Variants in RBFOX1 observed in about 807,000 individuals in gnomAD.
RBFOX1 encodes RNA binding fox-1 homolog 1, also known as RNA binding protein fox-1 homolog 1.
In RBFOX1, 8 loss-of-function variants were observed where a neutral mutation model predicts 57.7. That is an observed-to-expected ratio of 0.14 (90% CI 0.08 to 0.25). The LOEUF (loss-of-function observed/expected upper bound fraction) is 0.25. RBFOX1 is among the 10% of genes least tolerant of loss of function. The pLI is 1.00. For missense variants in RBFOX1, 611 were observed against 548.5 expected, an observed-to-expected ratio of 1.11 and a Z score of -1.14; for synonymous variants, 326 against 222.4, an observed-to-expected ratio of 1.47 and a Z score of -4.15.
chr16:5,856,272 T>G (rs1312355554), intron 3 of RBFOX1, among the ~76,000 whole-genome samples: 1 of 36,548 alleles, frequency 2.7e-5, no homozygotes, highest in African/African-American at 9.3e-5. Context: ...TATATATATA[T>G]ACACATATAT....
At chr16:5,345,741 C>T (rs1244352641) in intron 1 of RBFOX1, among the ~76,000 whole-genome samples, 9 of 152,140 alleles carry the variant, frequency 5.9e-5, no homozygotes, top group Non-Finnish European at 7.3e-5. Flanking sequence ...AGTGGTGGCA[C>T]CTGATGGGTT....
chr16:6,578,612 T>TGTGTGTGTGTGG (rs373655762), intron 2 of RBFOX1, among the ~76,000 whole-genome samples: 8 of 147,112 alleles, frequency 5.4e-5, no homozygotes, highest in South Asian at 2.2e-4. Flanking sequence ...TGTGTGTGTG[T>TGTGTGTGTGTGG]GAGCATGGGA....
Position 5,401,003 on chromosome 16 carries a change from G to C in RBFOX1, c.220-66213G>C, listed in dbSNP as rs145182351. 3.5e-4 allele frequency among the ~76,000 whole-genome samples: 53 copies of C among 152,220 alleles called. No homozygotes were observed. The East Asian group carries it at 9.8e-3, about 28-fold the overall frequency. On this transcript the variant is annotated intron_variant, in intron 1 of 2. Coordinates refer to the RBFOX1 transcript ENST00000585867. ...CTCCTAATATGTCATAGTTAAGGCAGATATTTTCCAGGGTTGTCATTTGTC... is the reference window on the plus strand; with the variant it reads ...CTCCTAATATGTCATAGTTAAGGCACATATTTTCCAGGGTTGTCATTTGTC...
intron 3 of RBFOX1, among the ~76,000 whole-genome samples, chr16:7,024,062 G>C (rs2040156492): frequency 6.6e-6 from 1 of 152,078 alleles, no homozygotes; most frequent in Non-Finnish European, 1.5e-5. Context: ...TAAAACCAGG[G>C]ATTTCTTAAC....
chr16:5,295,097 G>A (rs1407689631), intron 1 of RBFOX1, among the ~76,000 whole-genome samples: 2 of 148,970 alleles, frequency 1.3e-5, no homozygotes, highest in Admixed American at 1.4e-4. Context: ...GAAAGCTCAC[G>A]ATGTCCTGGC....
intron 11 of RBFOX1, among the ~76,000 whole-genome samples, chr16:7,652,053 G>T (rs2065173821): frequency 6.6e-6 from 1 of 151,858 alleles, no homozygotes; most frequent in Admixed American, 6.6e-5. Flanking sequence ...AACAGTGTTG[G>T]TTATCAGGGG....
intron 2 of RBFOX1, among the ~76,000 whole-genome samples, chr16:6,351,149 C>G (rs1470537003): frequency 6.6e-6 from 1 of 151,786 alleles, no homozygotes; most frequent in African/African-American, 2.4e-5. Context: ...CCTGGGGAGG[C>G]AGGTTAGCTT....
chr16:7,676,704 G>A, intron 13 of RBFOX1, 70 bp from the exon 14 acceptor site: 3 of 1,328,900 alleles, frequency 2.3e-6, no homozygotes, highest in South Asian at 1.2e-5. Flanking sequence ...CTCTGGTGTG[G>A]TCTTGCCACT....
intron 3 of RBFOX1, among the ~76,000 whole-genome samples, chr16:5,800,186 G>A (rs539469177): frequency 7.9e-5 from 12 of 152,250 alleles, no homozygotes; most frequent in African/African-American, 2.4e-4. Context: ...TATGCTAAGG[G>A]TAAGGGAAGG....
At chr16:7,634,259 G>T (rs570147582) in intron 11 of RBFOX1, among the ~76,000 whole-genome samples, 1 of 152,140 alleles carries the variant, frequency 6.6e-6, no homozygotes. Context: ...CTGAAGGAAG[G>T]TGTGTGTAAA....
chr16:7,135,117 C>G (rs938639274), intron 4 of RBFOX1, among the ~76,000 whole-genome samples: 1 of 152,082 alleles, frequency 6.6e-6, no homozygotes, highest in Non-Finnish European at 1.5e-5. Context: ...GTTTTTATGT[C>G]TGTTCTGTAT....
chr16:5,566,384 A>C (rs1008491765), intron 2 of RBFOX1, among the ~76,000 whole-genome samples: 3 of 152,102 alleles, frequency 2.0e-5, no homozygotes, highest in East Asian at 1.9e-4. Flanking sequence ...CACGGTACAT[A>C]GAGAATATTA....
At chr16:6,261,337 C>G (rs1489260847) in intron 1 of RBFOX1, among the ~76,000 whole-genome samples, 1 of 152,208 alleles carries the variant, frequency 6.6e-6, no homozygotes, top group Admixed American at 6.5e-5. Context: ...GTTTTTCCAT[C>G]TTGAGGAAGG....
intron 13 of RBFOX1, 115 bp from the exon 14 acceptor site, chr16:7,676,659 C>A: frequency 1.1e-6 from 1 of 902,546 alleles, no homozygotes; most frequent in Non-Finnish European, 1.8e-6. Flanking sequence ...TTTCATTAAC[C>A]TCAACTTTAG....
chr16:6,809,124 C>A lies in RBFOX1; in HGVS notation c.-16+154474C>A, dbSNP rs376669456. Among the ~76,000 whole-genome samples, 7 of 152,320 alleles carry A rather than the reference C, an allele frequency of 4.6e-5. No individual in the cohort carries two copies. In the South Asian group the frequency reaches 1.2e-3, roughly 27 times the overall value. The stretch of plus-strand genomic sequence containing the variant: ...AAAAAAGGCAAACACCAACCTGTCA[C>A]CAGTTCAGCTGTTTGTGTACCTCAC... On this transcript the variant is annotated intron_variant, in intron 3 of 15. Coordinates refer to ENST00000550418, the MANE Select transcript of RBFOX1 (RefSeq NM_018723.4).
At chr16:5,676,710 A>G (rs2151427782) in intron 3 of RBFOX1, among the ~76,000 whole-genome samples, 1 of 152,260 alleles carries the variant, frequency 6.6e-6, no homozygotes, top group Admixed American at 6.5e-5. Flanking sequence ...AAAATACAAA[A>G]AACTAGCCAG....
intron 14 of RBFOX1, among the ~76,000 whole-genome samples, chr16:7,689,389 C>T (rs1390093331): frequency 2.6e-5 from 4 of 152,032 alleles, no homozygotes; most frequent in Non-Finnish European, 5.9e-5. Flanking sequence ...GCAAGGTTGC[C>T]CAAACTTCAA....
At chr16:7,247,077 T>C (rs1324963713) in intron 4 of RBFOX1, among the ~76,000 whole-genome samples, 1 of 152,116 alleles carries the variant, frequency 6.6e-6, no homozygotes, top group African/African-American at 2.4e-5. Context: ...GGTCCTTGAT[T>C]TAGGCTGCAC....
intron 4 of RBFOX1, among the ~76,000 whole-genome samples, chr16:7,231,866 A>G (rs2093514410): frequency 6.6e-6 from 1 of 152,206 alleles, no homozygotes; most frequent in Non-Finnish European, 1.5e-5. Context: ...CCACACCAAC[A>G]GAAAGCAGAT....
Sources: gnomAD v4.1 joint callset for allele counts (sites outside exome capture counted in the v4.1 genomes callset) on GRCh38, gnomAD v4.1.1 for gene constraint, MANE v1.5 for transcripts, NCBI Gene and HGNC (gene_info 2026-07-23, HGNC 2026-07-21) for gene names.